GOT1: variants seen among roughly 807,000 people sequenced by gnomAD.
GOT1 encodes the protein aspartate aminotransferase, cytoplasmic.
In GOT1, 25 loss-of-function variants were observed where a neutral mutation model predicts 48.2. The ratio of observed to expected loss-of-function variants is 0.52; its 90% confidence interval spans 0.38 to 0.72. The LOEUF is 0.72. Ranked by LOEUF, GOT1 falls within the 30% of genes least tolerant of loss-of-function variation. The pLI is 0.00. For missense variants in GOT1, 380 were observed against 520.1 expected, an observed-to-expected ratio of 0.73 and a Z score of 2.62; for synonymous variants, 188 against 193.8, an observed-to-expected ratio of 0.97 and a Z score of 0.25.
At chr10:99,412,400 G>GACATC (rs2032837952) in intron 2 of GOT1, among the ~76,000 whole-genome samples, 5 of 151,842 alleles carry the variant, frequency 3.3e-5, no homozygotes, top group Non-Finnish European at 7.4e-5. Context: ...GGTCATCCTA[G>GACATC]CTGCAGCATG....
At chr10:99,403,339 A>G in intron 7 of GOT1, 130 bp downstream of exon 7, 1 of 739,718 alleles carries the variant, frequency 1.4e-6, no homozygotes, top group South Asian at 1.9e-5. Context: ...AATATCTGAG[A>G]GTCAAAGAAG....
intron 3 of GOT1, among the ~76,000 whole-genome samples, 196 bp from the exon 4 acceptor site, chr10:99,406,445 C>A (rs1209653295): frequency 1.3e-5 from 2 of 152,188 alleles, no homozygotes; most frequent in Non-Finnish European, 2.9e-5. Flanking sequence ...GACTTATATT[C>A]TACTACAATG....
chr10:99,408,486 G>A (rs1273362415), intron 2 of GOT1, among the ~76,000 whole-genome samples: 2 of 152,218 alleles, frequency 1.3e-5, no homozygotes, highest in Non-Finnish European at 2.9e-5. Context: ...GGAGGCCAAG[G>A]TGGGTGGATC....
At chr10:99,427,644 G>C (rs2033058166) in intron 1 of GOT1, among the ~76,000 whole-genome samples, 1 of 152,128 alleles carries the variant, frequency 6.6e-6, no homozygotes, top group African/African-American at 2.4e-5. Flanking sequence ...TGAGCCCCAG[G>C]GATGTTAAAC....
In GOT1 at chr10:99,405,801, A is replaced by T; in HGVS notation, c.597T>A (p.Ile199=). 1 of 1,612,088 alleles carries T rather than the reference A, an allele frequency of 6.2e-7. No homozygotes were observed. ...GCTTCCACTGCTCCGGAGTTGGGTCAATCCCAGTTGGGTTGTGTGCACAGG... is the reference window on the plus strand; with the variant it reads ...GCTTCCACTGCTCCGGAGTTGGGTCTATCCCAGTTGGGTTGTGTGCACAGG... The part of the protein sequence containing the change: ...LHACAHNPTG[I]DPTPEQWKQI... Residue 199 remains isoleucine, a synonymous_variant, in exon 5 of 9, where the codon ATT becomes ATA. Transcript: ENST00000370508.
At chr10:99,418,864 C>T (rs750714794) in intron 2 of GOT1, among the ~76,000 whole-genome samples, 2 of 152,174 alleles carry the variant, frequency 1.3e-5, no homozygotes, top group Non-Finnish European at 2.9e-5. Context: ...ACTGGATTTT[C>T]AGAAAAACTT....
intron 2 of GOT1, among the ~76,000 whole-genome samples, chr10:99,412,301 GA>G (rs1382332141): frequency 6.8e-6 from 1 of 146,230 alleles, no homozygotes; most frequent in Non-Finnish European, 1.5e-5. Flanking sequence ...TCAAAGTCTG[GA>G]TTTTACCCTA....
intron 1 of GOT1, among the ~76,000 whole-genome samples, chr10:99,429,940 T>C (rs2033093803): frequency 6.6e-6 from 1 of 152,044 alleles, no homozygotes; most frequent in African/African-American, 2.4e-5. Context: ...TTTAAATCCT[T>C]AAGGGCAAAA....
At chr10:99,404,653 T>C (rs927431911) in intron 5 of GOT1, among the ~76,000 whole-genome samples, 2 of 152,140 alleles carry the variant, frequency 1.3e-5, no homozygotes, top group African/African-American at 2.4e-5. Flanking sequence ...CTTGCCTCTC[T>C]CTGACCCATT....
intron 2 of GOT1, among the ~76,000 whole-genome samples, chr10:99,412,211 A>T (rs534058365): frequency 6.6e-6 from 1 of 152,078 alleles, no homozygotes; most frequent in African/African-American, 2.4e-5. Flanking sequence ...CAGGACCTCT[A>T]GTGGAGTGAG....
chr10:99,429,131 C>T (rs2033079035), intron 1 of GOT1, among the ~76,000 whole-genome samples: 1 of 151,880 alleles, frequency 6.6e-6, no homozygotes, highest in Non-Finnish European at 1.5e-5. Flanking sequence ...CTCACTGCAA[C>T]CTCCGTCTCC....
chr10:99,423,910 A>G, intron 1 of GOT1, among the ~76,000 whole-genome samples: 1 of 151,912 alleles, frequency 6.6e-6, no homozygotes, highest in East Asian at 1.9e-4. Context: ...CCCGCCTCGG[A>G]CTTCCAAAGT....
intron 2 of GOT1, among the ~76,000 whole-genome samples, chr10:99,411,138 A>G (rs527917405): frequency 6.6e-6 from 1 of 152,364 alleles, no homozygotes; most frequent in East Asian, 1.9e-4. Flanking sequence ...GAAAGAAGAC[A>G]GTGGTGAAAA....
intron 1 of GOT1, among the ~76,000 whole-genome samples, chr10:99,427,393 C>G (rs1450481435): frequency 4.6e-5 from 7 of 152,284 alleles, no homozygotes; most frequent in Non-Finnish European, 1.5e-5. Flanking sequence ...CTCAGCCTCC[C>G]GTGTAGCTGG....
chr10:99,405,399 A>G (rs1264897013), intron 5 of GOT1, among the ~76,000 whole-genome samples: 1 of 152,190 alleles, frequency 6.6e-6, no homozygotes, highest in Non-Finnish European at 1.5e-5. Context: ...GCTATGAAAA[A>G]TGATGCTGCA....
chr10:99,403,870 C>T lies in GOT1; in HGVS notation c.647G>A (p.Arg216Gln), dbSNP rs147376283. The part of the protein sequence containing the change: ...WKQIASVMKH[R>Q]FLFPFFDSAY... ...TGAGTCAAAGAAGGGGAACAGAAAC[C>T]GGTGCTGCGGGGAAGCAAAGTGAGT... The change falls in exon 6 of 9, where the codon CGG becomes CAG. Residue 216 changes from arginine (R) to glutamine (Q), a missense_variant. By Grantham distance (43) the Arg-to-Gln change is conservative (BLOSUM62 1). Coordinates refer to ENST00000370508, the MANE Select transcript of GOT1 (RefSeq NM_002079.3). 133 of 1,613,426 alleles carry T rather than the reference C, an allele frequency of 8.2e-5. No homozygotes were observed. Among genetic ancestry groups the T allele is most frequent in the Non-Finnish European group, 1.1e-4 (124 of 1,180,010 alleles).
chr10:99,398,252 G>C (rs541625101), intron 8 of GOT1, among the ~76,000 whole-genome samples: 32 of 152,348 alleles, frequency 2.1e-4, no homozygotes, highest in African/African-American at 7.7e-4. Flanking sequence ...CTTTCTCTCA[G>C]ATGCAGTAGT....
At chr10:99,399,815 C>G (rs2032647709) in intron 8 of GOT1, among the ~76,000 whole-genome samples, 1 of 152,166 alleles carries the variant, frequency 6.6e-6, no homozygotes, top group African/African-American at 2.4e-5. Flanking sequence ...TCCTATTAAT[C>G]TGCCTCTTGT....
intron 8 of GOT1, among the ~76,000 whole-genome samples, chr10:99,398,093 G>T (rs1187461880): frequency 6.6e-6 from 1 of 152,166 alleles, no homozygotes; most frequent in East Asian, 1.9e-4. Context: ...ACCCGCGGCA[G>T]CCTCCCTTTG....
Sources: gnomAD v4.1 joint callset for allele counts (sites outside exome capture counted in the v4.1 genomes callset) on GRCh38, gnomAD v4.1.1 for gene constraint, MANE v1.5 for transcripts, NCBI Gene and HGNC (gene_info 2026-07-23, HGNC 2026-07-21) for gene names.